Variants in NPC1 observed in about 807,000 individuals in gnomAD.
NPC1 encodes Niemann-Pick C1 protein.
NPC1 carries 85 observed loss-of-function variants against 140.4 expected under a neutral mutation model. That is an observed-to-expected ratio of 0.61 (90% CI 0.51 to 0.72). The LOEUF is 0.72. NPC1 is among the 30% of genes least tolerant of loss of function. NPC1 has a pLI of 0.00. For missense variants in NPC1, 1,504 were observed against 1,623.8 expected (o/e 0.93, Z 1.27); for synonymous variants, 656 against 624.8 (o/e 1.05, Z -0.74).
rs1417021281 is a variant in NPC1 at position 23,556,764 on chromosome 18, G to C, written c.956-151C>G. On this transcript the variant is annotated intron_variant, in intron 7 of 24. Transcript: ENST00000269228. ...GACCCCTGCCCTCAGCTACCTATCT[G>C]CTCAGCAAAGCCACCTTTGTTGGCT... 7 of 1,215,010 alleles carry C rather than the reference G, an allele frequency of 5.8e-6. No homozygotes were observed. In the Admixed American group the frequency reaches 1.2e-4, roughly 21 times the overall value. 75.3% of individuals were successfully genotyped at this position (1,215,010 alleles called of 1,614,324 possible).
At chr18:23,560,571 A>G in intron 5 of NPC1, 91 bp from the exon 6 acceptor site, 1 of 1,316,836 alleles carries the variant, frequency 7.6e-7, no homozygotes, top group East Asian at 2.4e-5. Context: ...GCCCACTGAA[A>G]TACATAAAAC....
At chr18:23,520,852 A>C (rs1166643506), downstream of NPC1, among the ~76,000 whole-genome samples, 1 of 152,206 alleles carries the variant, frequency 6.6e-6, no homozygotes, top group African/African-American at 2.4e-5. Flanking sequence ...AGTAGCTGGG[A>C]TTACAGGCGT....
chr18:23,556,726 G>T (rs1309631588), intron 7 of NPC1, 113 bp from the exon 8 acceptor site: 2 of 1,517,436 alleles, frequency 1.3e-6, no homozygotes, highest in African/African-American at 2.8e-5. Context: ...AGCCCACCTG[G>T]GGACACATAT....
At chr18:23,571,293 G>A (rs2059199426) in intron 3 of NPC1, among the ~76,000 whole-genome samples, 1 of 151,678 alleles carries the variant, frequency 6.6e-6, no homozygotes, top group South Asian at 2.1e-4. Context: ...CACTCTGGGA[G>A]GCTAAGGTGG....
At chr18:23,506,217 G>A (rs2057712994) in exon 4 of NPC1, 1 of 151,086 alleles carries the variant, frequency 6.6e-6, no homozygotes, top group Non-Finnish European at 1.5e-5. Context: ...AGGCATAGTT[G>A]ACACATAATA....
chr18:23,510,557 G>A (rs984309736), intron 3 of NPC1, among the ~76,000 whole-genome samples: 1 of 152,082 alleles, frequency 6.6e-6, no homozygotes, highest in Non-Finnish European at 1.5e-5. Context: ...TGAGGCCAGG[G>A]AATTGCTTGA....
intron 22 of NPC1, 80 bp downstream of exon 22, chr18:23,535,389 G>T: frequency 2.0e-6 from 2 of 1,018,948 alleles, no homozygotes; most frequent in Non-Finnish European, 3.0e-6. Flanking sequence ...CATCTTTAGG[G>T]TTTACATGGA....
intron 3 of NPC1, among the ~76,000 whole-genome samples, chr18:23,513,237 A>G (rs2057911067): frequency 6.6e-6 from 1 of 152,244 alleles, no homozygotes; most frequent in Admixed American, 6.5e-5. Flanking sequence ...TACAGGCGTG[A>G]GCCACTGTGT....
At chr18:23,567,520 T>TA (rs1215741246) in intron 4 of NPC1, among the ~76,000 whole-genome samples, 1 of 152,242 alleles carries the variant, frequency 6.6e-6, no homozygotes, top group Admixed American at 6.5e-5. Context: ...GTTATTTGTA[T>TA]ATTTTGAATA....
chr18:23,543,428 G>A (rs1251233522), intron 14 of NPC1, 27 bp downstream of exon 14: 1 of 1,289,496 alleles, frequency 7.8e-7, no homozygotes, highest in African/African-American at 1.5e-5. Flanking sequence ...CAGACTACAG[G>A]ACTGGTAGGA....
At chr18:23,575,657 G>C (rs1445306755) in intron 1 of NPC1, among the ~76,000 whole-genome samples, 5 of 149,652 alleles carry the variant, frequency 3.3e-5, no homozygotes, top group Non-Finnish European at 7.4e-5. Context: ...CCTCGGCAAA[G>C]AGGTTCCAAA....
Position 23,539,796 on chromosome 18 carries a change from C to G in NPC1, c.2795+15G>C. The G allele has an allele frequency of 6.2e-7, 1 of 1,613,552 alleles. No homozygotes were observed. Among genetic ancestry groups the G allele is most frequent in the Non-Finnish European group, 8.5e-7 (1 of 1,179,592 alleles). On this transcript the variant is annotated intron_variant, in intron 18 of 24. Coordinates refer to ENST00000269228, the MANE Select transcript of NPC1 (RefSeq NM_000271.5). ...CCTCCGCTGCTTCTGAAGTACAAGACAAGGTGGTACTGACTAGTTGTCCAG... is the reference window on the plus strand; with the variant it reads ...CCTCCGCTGCTTCTGAAGTACAAGAGAAGGTGGTACTGACTAGTTGTCCAG...
At chr18:23,518,729 T>C (rs1449719279), downstream of NPC1, among the ~76,000 whole-genome samples, 3 of 152,348 alleles carry the variant, frequency 2.0e-5, no homozygotes, top group African/African-American at 7.2e-5. Flanking sequence ...CTTAACTTTA[T>C]AATAGGCTTT....
chr18:23,519,532 A>T (rs1039851278), downstream of NPC1, among the ~76,000 whole-genome samples: 24 of 152,122 alleles, frequency 1.6e-4, no homozygotes, highest in Non-Finnish European at 5.9e-5. Context: ...AAAAAAAAAA[A>T]ATTGGCAAAA....
Position 23,576,622 on chromosome 18 carries a change from C to T in NPC1, c.58-3048G>A, listed in dbSNP as rs184862910. The stretch of plus-strand genomic sequence containing the variant: ...GTGAGCGTTACAGCTCTTAAGGTGG[C>T]GCGTCTGGAATCTGTCCCTTCTGAT... On this transcript the variant is annotated intron_variant, in intron 1 of 24. Transcript: ENST00000269228. 19 of 339,610 alleles carry T rather than the reference C, an allele frequency of 5.6e-5. No individual in the cohort carries two copies. In the East Asian group the frequency reaches 1.3e-3, roughly 23 times the overall value. The allele number at this position is 339,610 out of a possible 1,614,324, so 21.0% of individuals were successfully genotyped here.
chr18:23,576,253 A>G (rs1046377443), intron 1 of NPC1, among the ~76,000 whole-genome samples: 5 of 151,836 alleles, frequency 3.3e-5, no homozygotes, highest in Non-Finnish European at 7.4e-5. Flanking sequence ...AAACAAACAA[A>G]AACAACAACA....
chr18:23,584,404 A>G (rs1779936334), intron 1 of NPC1, among the ~76,000 whole-genome samples: 2 of 152,240 alleles, frequency 1.3e-5, no homozygotes, highest in African/African-American at 4.8e-5. Flanking sequence ...TAAAATAATA[A>G]TAGGATTATT....
intron 4 of NPC1, among the ~76,000 whole-genome samples, chr18:23,567,304 G>A (rs1290912370): frequency 6.6e-6 from 1 of 152,212 alleles, no homozygotes; most frequent in Non-Finnish European, 1.5e-5. Context: ...AGCATTTGGT[G>A]TTGAAAGCGT....
At chr18:23,535,408 C>T (rs1471237905) in intron 22 of NPC1, 61 bp downstream of exon 22, 1 of 1,204,636 alleles carries the variant, frequency 8.3e-7, no homozygotes. Flanking sequence ...GAATCTAAGA[C>T]AGCCAATTCC....
Sources: gnomAD v4.1 joint callset for allele counts (sites outside exome capture counted in the v4.1 genomes callset) on GRCh38, gnomAD v4.1.1 for gene constraint, MANE v1.5 for transcripts, NCBI Gene and HGNC (gene_info 2026-07-23, HGNC 2026-07-21) for gene names.